Variants in VTI1A observed in about 807,000 individuals in gnomAD.
The protein encoded by VTI1A is vesicle transport through interaction with t-SNAREs 1A, also known as vesicle transport through interaction with t-SNAREs homolog 1A.
Under a neutral mutation model 34.9 loss-of-function variants are expected in VTI1A, and 22 were observed. The ratio of observed to expected loss-of-function variants is 0.63; its 90% confidence interval spans 0.45 to 0.90. The LOEUF (loss-of-function observed/expected upper bound fraction) is 0.90, where lower values mean the gene tolerates loss of function less well. Among genes scored for constraint, VTI1A ranks in the 40% least tolerant of loss-of-function variants. The pLI is 0.00. For synonymous variants in VTI1A, 87 were observed against 97.3 expected (o/e 0.89, Z 0.62); for missense variants, 268 against 275.6 (o/e 0.97, Z 0.20).
intron 5 of VTI1A, among the ~76,000 whole-genome samples, chr10:112,640,945 A>G (rs1169831037): frequency 6.6e-6 from 1 of 152,210 alleles, no homozygotes; most frequent in African/African-American, 2.4e-5. Flanking sequence ...TACTCTATTT[A>G]TATCTCAGTT....
chr10:112,612,845 A>G (rs1474042935), intron 5 of VTI1A, among the ~76,000 whole-genome samples: 1 of 152,238 alleles, frequency 6.6e-6, no homozygotes, highest in African/African-American at 2.4e-5. Context: ...TCCTATCTTG[A>G]CAATAGAGAA....
chr10:112,493,596 GC>G (rs1347312643), intron 3 of VTI1A, among the ~76,000 whole-genome samples: 1 of 152,068 alleles, frequency 6.6e-6, no homozygotes, highest in Non-Finnish European at 1.5e-5. Context: ...AATGATGTTA[GC>G]TACAGGTATT....
chr10:112,781,747 C>T (rs1272489263), intron 7 of VTI1A, among the ~76,000 whole-genome samples: 3 of 151,782 alleles, frequency 2.0e-5, no homozygotes, highest in South Asian at 2.1e-4. Context: ...CCCAGCTACT[C>T]GGGAGGCTGA....
the VTI1A span, among the ~76,000 whole-genome samples, chr10:112,845,383 G>T: frequency 1.3e-5 from 2 of 152,210 alleles, no homozygotes; most frequent in Non-Finnish European, 2.9e-5. Flanking sequence ...GCTGGAGAGG[G>T]CGGGGCTTGT....
In VTI1A at chr10:112,815,466, GC is replaced by G; in HGVS notation, c.*84del. The G allele has an allele frequency of 8.1e-7, 1 of 1,231,322 alleles. No individual in the cohort carries two copies. The highest frequency in any genetic ancestry group is 1.2e-5 in the South Asian group (1 of 80,742). The allele number at this position is 1,231,322 out of a possible 1,614,324, so 76.3% of individuals were successfully genotyped here. A position where few individuals can be genotyped will look rare whatever the true frequency, so the allele number is the denominator to read the frequency against. ...AAATGGTCACATGAATCATTCTGTT[GC>G]GCTGACAGGCCCCAGGTGACCCTCT... On this transcript the variant is annotated 3_prime_UTR_variant, in exon 8 of 8. Transcript: ENST00000393077.
intron 7 of VTI1A, among the ~76,000 whole-genome samples, chr10:112,736,165 A>T (rs1442515504): frequency 7.4e-6 from 1 of 134,606 alleles, no homozygotes; most frequent in African/African-American, 3.0e-5. Context: ...TTTTTCCCAA[A>T]TGCTCTTCCT....
chr10:112,502,909 T>A (rs536859420), intron 3 of VTI1A, among the ~76,000 whole-genome samples: 1 of 152,356 alleles, frequency 6.6e-6, no homozygotes, highest in East Asian at 1.9e-4. Flanking sequence ...ATCCTTCAAG[T>A]AACTGAATTC....
chr10:112,620,343 G>A (rs922932136), intron 5 of VTI1A, among the ~76,000 whole-genome samples: 1 of 152,204 alleles, frequency 6.6e-6, no homozygotes, highest in African/African-American at 2.4e-5. Flanking sequence ...GATGTACACA[G>A]TTTAGCGGAA....
chr10:112,650,226 TC>T (rs1490859470), intron 5 of VTI1A, among the ~76,000 whole-genome samples: 1 of 152,236 alleles, frequency 6.6e-6, no homozygotes, highest in Non-Finnish European at 1.5e-5. Context: ...TAATTTTTTT[TC>T]CTTTTGTTCT....
At chr10:112,447,019 C>G (rs540807373), upstream of VTI1A, 6 of 295,692 alleles carry the variant, frequency 2.0e-5, no homozygotes, top group East Asian at 2.9e-4. Flanking sequence ...GCGTGTGGAT[C>G]CGGAGCCGAT....
chr10:112,715,782 G>A (rs1002270112), intron 7 of VTI1A, among the ~76,000 whole-genome samples: 3 of 152,162 alleles, frequency 2.0e-5, no homozygotes, highest in Non-Finnish European at 4.4e-5. Flanking sequence ...CAGCTTCTGA[G>A]GCCTTCAGCA....
At chr10:112,785,081 T>C (rs1015523930) in intron 7 of VTI1A, among the ~76,000 whole-genome samples, 4 of 152,352 alleles carry the variant, frequency 2.6e-5, no homozygotes, top group African/African-American at 9.6e-5. Flanking sequence ...TGTAAACTTA[T>C]ACAGAAAAAG....
chr10:112,546,079 T>A (rs761348159), intron 5 of VTI1A, among the ~76,000 whole-genome samples: 1 of 150,626 alleles, frequency 6.6e-6, no homozygotes, highest in African/African-American at 2.4e-5. Flanking sequence ...TGTATATACG[T>A]GTATACGCGT....
chr10:112,798,932 G>A (rs1852771571), intron 7 of VTI1A, among the ~76,000 whole-genome samples: 1 of 152,072 alleles, frequency 6.6e-6, no homozygotes, highest in Admixed American at 6.6e-5. Context: ...CCAGCCACGT[G>A]CTGCAGACCA....
At chr10:112,481,125 G>T (rs1047809529) in intron 3 of VTI1A, among the ~76,000 whole-genome samples, 6 of 152,088 alleles carry the variant, frequency 3.9e-5, no homozygotes, top group African/African-American at 1.4e-4. Context: ...CATATGGGTT[G>T]CAGTGCCATT....
chr10:112,461,668 A>G (rs1847734124), intron 2 of VTI1A, among the ~76,000 whole-genome samples: 1 of 152,218 alleles, frequency 6.6e-6, no homozygotes, highest in Non-Finnish European at 1.5e-5. Context: ...TACTACAAGC[A>G]TGACTCAACT....
chr10:112,752,993 T>G (rs866677731), intron 7 of VTI1A, among the ~76,000 whole-genome samples: 7 of 151,792 alleles, frequency 4.6e-5, no homozygotes, highest in Non-Finnish European at 4.4e-5. Flanking sequence ...TGAAAAACGG[T>G]TTTTTTTCCC....
At chr10:112,695,587 G>A (rs1219090945) in intron 7 of VTI1A, among the ~76,000 whole-genome samples, 2 of 152,134 alleles carry the variant, frequency 1.3e-5, no homozygotes, top group African/African-American at 2.4e-5. Context: ...TGCAAATATG[G>A]CGCCAGTTGA....
intron 7 of VTI1A, among the ~76,000 whole-genome samples, chr10:112,671,223 C>T (rs11196048): frequency 0.025 from 3,821 of 152,294 alleles, 107 homozygotes; most frequent in East Asian, 0.1. Flanking sequence ...ATGGCTTTCA[C>T]TTCCAGCCCT....
Sources: allele counts gnomAD v4.1 joint callset (sites outside exome capture counted in the v4.1 genomes callset), GRCh38; gene constraint gnomAD v4.1.1; transcripts MANE v1.5; gene names NCBI Gene and HGNC (gene_info 2026-07-23, HGNC 2026-07-21).